Variants in AGAP6 observed in about 807,000 individuals in gnomAD.
The protein encoded by AGAP6 is arf-GAP with GTPase, ANK repeat and PH domain-containing protein 6.
A neutral mutation model predicts 63.9 loss-of-function variants in AGAP6; 29 were observed. The observed-to-expected ratio is 0.45, with a 90% CI of 0.34 to 0.62. The LOEUF (loss-of-function observed/expected upper bound fraction) is 0.62, where lower values mean the gene tolerates loss of function less well. Ranked by LOEUF, AGAP6 falls within the 20% of genes least tolerant of loss-of-function variation. The pLI, the probability that AGAP6 is intolerant of heterozygous loss-of-function variation, is 0.01. For synonymous variants in AGAP6, 199 were observed against 332.9 expected (o/e 0.60, Z 4.38); for missense variants, 493 against 884.9 (o/e 0.56, Z 5.62).
chr10:49,988,860 G>C lies in AGAP6; in HGVS notation c.145G>C (p.Val49Leu). 1 of 1,599,108 alleles carries C rather than the reference G, an allele frequency of 6.3e-7. No homozygotes were observed. The highest frequency in any genetic ancestry group is 1.3e-5 in the African/African-American group (1 of 74,730). ...RMAGAPMAAA[V>L]QPAEVTVEVG... ...GGCAGGAGCGCCCATGGCTGCTGCTGTACAGCCTGCTGAGGTGACTGTTGA... is the reference window on the plus strand; with the variant it reads ...GGCAGGAGCGCCCATGGCTGCTGCTCTACAGCCTGCTGAGGTGACTGTTGA... The change falls in exon 1 of 8, where the codon GTA becomes CTA. Residue 49 changes from valine to leucine, a missense_variant. This residue lies in a region of AGAP6 where 342 missense variants were observed against 533.4 expected (regional missense o/e 0.64). Transcript: ENST00000412531.
chr10:49,997,433 G>A (rs1292995534), intron 4 of AGAP6, among the ~76,000 whole-genome samples: 1 of 152,100 alleles, frequency 6.6e-6, no homozygotes, highest in Non-Finnish European at 1.5e-5. Flanking sequence ...AGGAGTTTGA[G>A]GCTGCAGTTA....
rs1842057158 is a variant in AGAP6, at chr10:50,010,050, T to C, written c.1925T>C (p.Leu642Pro). 1 of 1,610,346 alleles carries C rather than the reference T, an allele frequency of 6.2e-7. No individual in the cohort carries two copies. Among genetic ancestry groups the C allele is most frequent in the East Asian group, 2.2e-5 (1 of 44,840 alleles). ...CRKGNVVLAQLLIWYGVDVMA... is the reference protein window; with the variant it reads ...CRKGNVVLAQPLIWYGVDVMA... ...AAGGGGAATGTGGTCCTGGCGCAGC[T>C]CCTGATCTGGTACGGGGTGGACGTC... Residue 642 changes from leucine to proline, a missense_variant, in exon 8 of 8, where the codon CTC becomes CCC. Transcript: ENST00000412531.
At chr10:50,006,799 A>T (rs1232885136) in intron 6 of AGAP6, among the ~76,000 whole-genome samples, 2 of 152,258 alleles carry the variant, frequency 1.3e-5, no homozygotes, top group East Asian at 3.9e-4. Flanking sequence ...CTTTCCACTT[A>T]TTCAGAATAT....
chr10:49,988,465 A>C lies in AGAP6; in HGVS notation c.-251A>C. 8 of 1,400,916 alleles carry C rather than the reference A, an allele frequency of 5.7e-6. No individual in the cohort carries two copies. The highest frequency in any genetic ancestry group is 7.5e-6 in the Non-Finnish European group (8 of 1,073,730). 86.8% of individuals were successfully genotyped at this position (1,400,916 alleles called of 1,614,324 possible). On this transcript the variant is annotated 5_prime_UTR_variant, in exon 1 of 8. Transcript: ENST00000412531. ...CGCTTGTTGGTTTCACAACCTATTA[A>C]ATAAGCCGGCTGGTCTTCACCCTCC... is the stretch of plus-strand genomic sequence containing the variant.
In AGAP6 at chr10:49,988,789, G is replaced by A; in HGVS notation, c.74G>A (p.Cys25Tyr). Residue 25 changes from cysteine to tyrosine, a missense_variant, in exon 1 of 8, where the codon TGT becomes TAT. Around this residue, in one of 7 missense-constraint regions of AGAP6, gnomAD observed 342 missense variants for 533.4 expected, o/e 0.64. Transcript: ENST00000412531. Reference protein sequence around the residue: ...LEFDQQQGSVCPSESETYEAG... With the variant: ...LEFDQQQGSVYPSESETYEAG... ...TTTGACCAGCAGCAGGGGTCGGTGT[G>A]TCCCTCTGAATCTGAGACCTATGAG... The A allele has an allele frequency of 6.3e-7, 1 of 1,597,166 alleles. No homozygotes were observed. Among genetic ancestry groups the A allele is most frequent in the Non-Finnish European group, 8.5e-7 (1 of 1,179,536 alleles).
At chr10:50,004,021 A>G (rs1361961727) in intron 5 of AGAP6, among the ~76,000 whole-genome samples, 1 of 152,130 alleles carries the variant, frequency 6.6e-6, no homozygotes, top group African/African-American at 2.4e-5. Flanking sequence ...TTGTTTTGAG[A>G]CTCACTCTAC....
chr10:50,010,378 G>A lies in AGAP6; in HGVS notation c.*192G>A. 8.6e-6 allele frequency: 11 copies of A among 1,272,588 alleles called. No individual in the cohort carries two copies. Among genetic ancestry groups the A allele is most frequent in the Non-Finnish European group, 1.2e-5 (11 of 922,912 alleles). 78.8% of individuals were successfully genotyped at this position (1,272,588 alleles called of 1,614,324 possible). A position where few individuals can be genotyped will look rare whatever the true frequency, so the allele number is the denominator to read the frequency against. ...ACGTATTTTATGTCCTTCTGCCAAG[G>A]TGGATTTGTTAGTCTCAGGCCCTCC... is the stretch of plus-strand genomic sequence containing the variant. On this transcript the variant is annotated 3_prime_UTR_variant, in exon 8 of 8. Coordinates refer to ENST00000412531, the MANE Select transcript of AGAP6 (RefSeq NM_001077665.3).
At chr10:49,992,932 C>A (rs1841338296) in intron 3 of AGAP6, among the ~76,000 whole-genome samples, 1 of 152,188 alleles carries the variant, frequency 6.6e-6, no homozygotes, top group Admixed American at 6.5e-5. Flanking sequence ...TGGCTAATTT[C>A]TGTATTTTTG....
chr10:49,996,058 CT>C (rs1348926519), intron 4 of AGAP6, among the ~76,000 whole-genome samples: 1 of 151,932 alleles, frequency 6.6e-6, no homozygotes, highest in Non-Finnish European at 1.5e-5. Context: ...TTCTCTGTTA[CT>C]TTTTTACTGA....
chr10:49,991,814 A>G, intron 3 of AGAP6, 70 bp downstream of exon 3: 1 of 1,582,346 alleles, frequency 6.3e-7, no homozygotes, highest in Admixed American at 1.8e-5. Context: ...TATAGAAAGT[A>G]TTTAGAAAAA....
chr10:49,996,612 CA>C (rs1465212429), intron 4 of AGAP6, among the ~76,000 whole-genome samples: 1 of 150,898 alleles, frequency 6.6e-6, no homozygotes, highest in Non-Finnish European at 1.5e-5. Context: ...AGGTTTAAGC[CA>C]TGGTATCTCT....
rs1554865115 is a variant in AGAP6 at position 50,009,550 on chromosome 10, G to A, written c.1425G>A (p.Gly475=). ...MALQSIQNMR[G]NAHCVDCETQ... ...TGCAGTCGATCCAAAACATGCGTGG[G>A]AACGCCCACTGTGTGGACTGTGAGA... The change falls in exon 8 of 8, where the codon GGG becomes GGA. Residue 475 remains glycine (G), a synonymous_variant. Coordinates refer to ENST00000412531, the MANE Select transcript of AGAP6 (RefSeq NM_001077665.3). 6 of 1,613,774 alleles carry A rather than the reference G, an allele frequency of 3.7e-6. No homozygotes were observed. The highest frequency in any genetic ancestry group is 5.1e-6 in the Non-Finnish European group (6 of 1,179,944).
chr10:50,008,393 G>T (rs1841989773), intron 7 of AGAP6, among the ~76,000 whole-genome samples: 1 of 151,054 alleles, frequency 6.6e-6, no homozygotes. Context: ...CTGCCTCCCA[G>T]GTCCCTGTTC....
rs781796648 is a variant in AGAP6 at position 50,008,027 on chromosome 10, A to C, written c.536A>C (p.Asp179Ala). The C allele has an allele frequency of 6.2e-7, 1 of 1,611,960 alleles. No homozygotes were observed. The highest frequency in any genetic ancestry group is 2.2e-5 in the East Asian group (1 of 44,860). Residue 179 changes from aspartate (D) to alanine (A), a missense_variant and splice_region_variant, in exon 7 of 8, where the codon GAT (aspartate) becomes GCT (alanine). Asp to Ala is a moderately radical substitution (Grantham distance 126). Transcript: ENST00000412531. ...LEIPHHITQR[D>A]ADRTLSIPDE... is the part of the protein sequence containing the mutation. ...TAATGCGCTTTCTTATTTTATAGAG[A>C]TGCAGATAGAACTTTGAGCATACCT...
At chr10:50,006,911 AATAG>A (rs1286936046) in intron 6 of AGAP6, among the ~76,000 whole-genome samples, 2 of 152,160 alleles carry the variant, frequency 1.3e-5, no homozygotes, top group African/African-American at 4.8e-5. Context: ...GACAGTGAAG[AATAG>A]AATGACTACT....
At chr10:50,003,696 A>G (rs1193237025) in intron 5 of AGAP6, among the ~76,000 whole-genome samples, 1 of 152,212 alleles carries the variant, frequency 6.6e-6, no homozygotes. Flanking sequence ...TTTAATGTGC[A>G]GCAAAGTTTG....
At chr10:49,995,935 A>G (rs1382059353) in intron 4 of AGAP6, among the ~76,000 whole-genome samples, 6 of 152,128 alleles carry the variant, frequency 3.9e-5, no homozygotes, top group African/African-American at 1.4e-4. Flanking sequence ...GAAGCTTTTT[A>G]GAATCTCTCT....
At chr10:49,996,934 A>G (rs1319188570) in intron 4 of AGAP6, among the ~76,000 whole-genome samples, 1 of 147,622 alleles carries the variant, frequency 6.8e-6, no homozygotes, top group Non-Finnish European at 1.5e-5. Flanking sequence ...TTTATTAAAA[A>G]TTATCTCTGT....
chr10:49,991,435 T>C (rs1158057951), intron 2 of AGAP6, among the ~76,000 whole-genome samples: 1 of 150,462 alleles, frequency 6.6e-6, no homozygotes, highest in African/African-American at 2.4e-5. Context: ...GTGTTACTCT[T>C]GCTGGCCTCA....
Sources: allele counts gnomAD v4.1 joint callset (sites outside exome capture counted in the v4.1 genomes callset), GRCh38; gene constraint gnomAD v4.1.1; regional missense constraint gnomAD v4.1.1; transcripts MANE v1.5; gene names NCBI Gene and HGNC (gene_info 2026-07-23, HGNC 2026-07-21).